Variants in GRID1 observed in about 807,000 individuals in gnomAD.
GRID1 encodes the protein glutamate receptor ionotropic, delta-1.
A neutral mutation model predicts 98.0 loss-of-function variants in GRID1; 28 were observed. The ratio of observed to expected loss-of-function variants is 0.29; its 90% CI spans 0.21 to 0.39. The LOEUF (loss-of-function observed/expected upper bound fraction) is 0.39, where lower values mean the gene tolerates loss of function less well. GRID1 is among the 10% of genes least tolerant of loss of function. GRID1 has a pLI of 1.00. For synonymous variants in GRID1, 553 were observed against 538.5 expected (o/e 1.03, Z -0.37); for missense variants, 1,111 against 1,340.5 (o/e 0.83, Z 2.67).
rs147267664 is a variant in GRID1, at chr10:85,751,740, A to G, written c.1234-22126T>C. On this transcript the variant is annotated intron_variant, in intron 8 of 15. Coordinates refer to ENST00000327946, the MANE Select transcript of GRID1 (RefSeq NM_017551.3). ...TGTATGGTATGTGGCATGAAGATAT[A>G]TAATAGACAGATCCAAAAATTAATG... 1.8e-3 allele frequency among the ~76,000 whole-genome samples: 275 copies of G among 152,340 alleles called. 1 individual carries two copies. Among genetic ancestry groups the G allele is most frequent in the African/African-American group, 6.1e-3 (253 of 41,582 alleles).
intron 8 of GRID1, among the ~76,000 whole-genome samples, chr10:85,760,159 G>T (rs1316390737): frequency 6.6e-6 from 1 of 152,200 alleles, no homozygotes; most frequent in African/African-American, 2.4e-5. Context: ...CAGGAAACTT[G>T]CAGTCAGACA....
chr10:85,860,127 G>C (rs1229961510), intron 6 of GRID1, among the ~76,000 whole-genome samples: 8 of 152,174 alleles, frequency 5.3e-5, no homozygotes. Context: ...GGCCACAGGT[G>C]CAGAGAATGA....
At chr10:85,695,391 G>C (rs1841382067) in intron 12 of GRID1, among the ~76,000 whole-genome samples, 1 of 152,168 alleles carries the variant, frequency 6.6e-6, no homozygotes, top group South Asian at 2.1e-4. Flanking sequence ...TAGCTTTCCT[G>C]AATTATATAA....
At chr10:86,186,049 G>A (rs1845721711) in intron 3 of GRID1, among the ~76,000 whole-genome samples, 1 of 152,178 alleles carries the variant, frequency 6.6e-6, no homozygotes, top group Non-Finnish European at 1.5e-5. Context: ...TGCGTCTGGA[G>A]TTTTCTTTCT....
At chr10:86,166,533 G>A (rs1845401301) in intron 3 of GRID1, among the ~76,000 whole-genome samples, 1 of 152,146 alleles carries the variant, frequency 6.6e-6, no homozygotes, top group African/African-American at 2.4e-5. Flanking sequence ...AACTTGCAAG[G>A]CCTATATTAC....
intron 2 of GRID1, among the ~76,000 whole-genome samples, chr10:86,354,733 G>A (rs1427170919): frequency 2.6e-5 from 4 of 152,240 alleles, no homozygotes; most frequent in Non-Finnish European, 4.4e-5. Context: ...GGGAGGCAGG[G>A]GCAGGCCAGT....
chr10:86,250,626 T>C (rs12783376), intron 2 of GRID1, among the ~76,000 whole-genome samples: 2 of 135,328 alleles, frequency 1.5e-5, no homozygotes, highest in African/African-American at 2.5e-5. Flanking sequence ...CCTGGCCAGC[T>C]GCCCTGTCTG....
intron 4 of GRID1, among the ~76,000 whole-genome samples, chr10:85,920,579 A>G (rs1214640304): frequency 6.6e-6 from 1 of 152,230 alleles, no homozygotes; most frequent in African/African-American, 2.4e-5. Flanking sequence ...CCAACAATCA[A>G]TACAGCTTTG....
chr10:85,677,993 G>A (rs1020443256), intron 12 of GRID1, among the ~76,000 whole-genome samples: 2 of 152,058 alleles, frequency 1.3e-5, no homozygotes, highest in Non-Finnish European at 2.9e-5. Flanking sequence ...GGATTTAACT[G>A]GCACATGTAC....
chr10:85,999,213 A>C (rs886535234), intron 4 of GRID1, among the ~76,000 whole-genome samples: 4 of 25,996 alleles, frequency 1.5e-4, no homozygotes, highest in African/African-American at 4.2e-4. Flanking sequence ...CTCTATTTCA[A>C]AAAAAAAAAA....
At chr10:85,833,423 C>T (rs1022999214) in intron 8 of GRID1, among the ~76,000 whole-genome samples, 33 of 150,884 alleles carry the variant, frequency 2.2e-4, no homozygotes, top group Admixed American at 1.3e-4. Context: ...AATAGTACCA[C>T]AAAATAACAC....
intron 2 of GRID1, among the ~76,000 whole-genome samples, chr10:86,258,868 C>T (rs1172810612): frequency 6.6e-6 from 1 of 152,160 alleles, no homozygotes; most frequent in Non-Finnish European, 1.5e-5. Context: ...TACAGGGACA[C>T]GATTTCCAAA....
chr10:85,758,373 G>C (rs562228064), intron 8 of GRID1, among the ~76,000 whole-genome samples: 1 of 152,130 alleles, frequency 6.6e-6, no homozygotes, highest in African/African-American at 2.4e-5. Context: ...ACTAGGGGTG[G>C]GCAATTTCTT....
intron 4 of GRID1, among the ~76,000 whole-genome samples, chr10:85,969,198 T>C (rs1842376172): frequency 6.6e-6 from 1 of 152,080 alleles, no homozygotes; most frequent in South Asian, 2.1e-4. Flanking sequence ...GAGGCAAAAA[T>C]TGACAGTATT....
chr10:86,178,638 G>A (rs868092801), intron 3 of GRID1, among the ~76,000 whole-genome samples: 2 of 152,036 alleles, frequency 1.3e-5, no homozygotes, highest in Admixed American at 1.3e-4. Flanking sequence ...TACACACAGA[G>A]AACTACGGTC....
At chr10:85,879,378 A>T (rs1034177178) in intron 5 of GRID1, among the ~76,000 whole-genome samples, 1 of 152,040 alleles carries the variant, frequency 6.6e-6, no homozygotes, top group Non-Finnish European at 1.5e-5. Context: ...GAAGTAAAGC[A>T]CTCCTCAACA....
chr10:85,772,415 A>T (rs545128691), intron 8 of GRID1, among the ~76,000 whole-genome samples: 2 of 150,662 alleles, frequency 1.3e-5, no homozygotes, highest in East Asian at 3.9e-4. Context: ...TAAAAGAACT[A>T]GAAAAGCAAG....
intron 8 of GRID1, among the ~76,000 whole-genome samples, chr10:85,847,154 A>G (rs1035030460): frequency 1.3e-5 from 2 of 152,246 alleles, no homozygotes; most frequent in Non-Finnish European, 2.9e-5. Context: ...TTTCTAGGAA[A>G]GGGCTCTTCA....
rs535983912 is a variant in GRID1 at position 85,796,030 on chromosome 10, T to C, written c.1233+58466A>G. Reference sequence around the variant, plus strand: ...CAAACCTCTAATCCCAGCATTGGAATTGACGAAGAAAAGACTGGATCAGTC... The same window carrying C: ...CAAACCTCTAATCCCAGCATTGGAACTGACGAAGAAAAGACTGGATCAGTC... On this transcript the variant is annotated intron_variant, in intron 8 of 15. Coordinates refer to ENST00000327946, the MANE Select transcript of GRID1 (RefSeq NM_017551.3). 3.3e-5 allele frequency among the ~76,000 whole-genome samples: 5 copies of C among 152,226 alleles called. No homozygotes were observed. In the South Asian group the frequency reaches 1.0e-3, roughly 32 times the overall value.
Sources: allele counts gnomAD v4.1 joint callset (sites outside exome capture counted in the v4.1 genomes callset), GRCh38; gene constraint gnomAD v4.1.1; transcripts MANE v1.5; gene names NCBI Gene and HGNC (gene_info 2026-07-23, HGNC 2026-07-21).